Variants in ARK2C observed in about 807,000 individuals in gnomAD.
ARK2C encodes arkadia (RNF111) C-terminal like ring finger ubiquitin ligase 2C.
chr18:46,443,580 C>T, the ARK2C span, among the ~76,000 whole-genome samples: 1 of 152,194 alleles, frequency 6.6e-6, no homozygotes, highest in Non-Finnish European at 1.5e-5. Context: ...CTTGCCTGCT[C>T]TCTGTTCTTG....
At chr18:46,426,580 T>C in the ARK2C span, among the ~76,000 whole-genome samples, 22 of 152,232 alleles carry the variant, frequency 1.4e-4, no homozygotes, top group Admixed American at 5.2e-4. Context: ...CCCCACCCCC[T>C]GCTTTATGGT....
chr18:46,439,527 C>T, the ARK2C span, among the ~76,000 whole-genome samples: 1 of 152,174 alleles, frequency 6.6e-6, no homozygotes, highest in African/African-American at 2.4e-5. Flanking sequence ...TCCTAATTAC[C>T]AGGGACCACT....
At chr18:46,436,157 T>C in the ARK2C span, among the ~76,000 whole-genome samples, 1 of 152,162 alleles carries the variant, frequency 6.6e-6, no homozygotes, top group Admixed American at 6.5e-5. Context: ...TAAAAAGATG[T>C]GCAGTTCACT....
chr18:46,400,677 G>A, the ARK2C span, among the ~76,000 whole-genome samples: 10 of 152,146 alleles, frequency 6.6e-5, no homozygotes, highest in Admixed American at 1.3e-4. Context: ...GTGCCTCTCA[G>A]TGCAGTGGGC....
the ARK2C span, among the ~76,000 whole-genome samples, chr18:46,368,084 G>T: frequency 6.6e-6 from 1 of 152,208 alleles, no homozygotes; most frequent in African/African-American, 2.4e-5. Flanking sequence ...GAGACTCCAC[G>T]TGGGTAATTG....
At chr18:46,440,725 G>A in the ARK2C span, among the ~76,000 whole-genome samples, 4 of 146,780 alleles carry the variant, frequency 2.7e-5, no homozygotes, top group South Asian at 4.3e-4. Context: ...ATCAAGATCC[G>A]AATAAGTTTT....
the ARK2C span, among the ~76,000 whole-genome samples, chr18:46,361,044 C>G: frequency 6.6e-6 from 1 of 152,262 alleles, no homozygotes; most frequent in African/African-American, 2.4e-5. Flanking sequence ...CAGCTAACCT[C>G]TCAGTGAGCA....
At chr18:46,456,848 C>T in the ARK2C span, 1 of 539,006 alleles carries the variant, frequency 1.9e-6, no homozygotes. Context: ...TGTCCCCATC[C>T]GCCTGGCTGA....
chr18:46,417,005 G>A, the ARK2C span, among the ~76,000 whole-genome samples: 1 of 152,134 alleles, frequency 6.6e-6, no homozygotes, highest in Non-Finnish European at 1.5e-5. Context: ...AGAAATTGAG[G>A]CCATTTTTGC....
chr18:46,362,983 G>A, the ARK2C span, among the ~76,000 whole-genome samples: 12 of 152,138 alleles, frequency 7.9e-5, no homozygotes, highest in African/African-American at 2.7e-4. Context: ...ATCTTTCCAC[G>A]CCCACAGAAA....
chr18:46,447,755 G>A, the ARK2C span: 94 of 1,600,072 alleles, frequency 5.9e-5, no homozygotes, highest in Admixed American at 1.0e-3. Flanking sequence ...TGAGGCCTGC[G>A]GTCCCCTGTG....
the ARK2C span, among the ~76,000 whole-genome samples, chr18:46,381,566 C>T: frequency 1.3e-5 from 2 of 152,184 alleles, no homozygotes; most frequent in Non-Finnish European, 2.9e-5. Flanking sequence ...GGCAGTGGCT[C>T]ACACCTGTAG....
At chr18:46,399,476 C>A in the ARK2C span, among the ~76,000 whole-genome samples, 1 of 152,112 alleles carries the variant, frequency 6.6e-6, no homozygotes, top group Admixed American at 6.5e-5. Flanking sequence ...TGTGAGGAGC[C>A]GGTTTTATGG....
the ARK2C span, among the ~76,000 whole-genome samples, chr18:46,381,283 G>C: frequency 7.2e-5 from 11 of 152,228 alleles, no homozygotes; most frequent in Non-Finnish European, 1.3e-4. Flanking sequence ...TGAGGAGTCA[G>C]GTTCTGCCAT....
the ARK2C span, among the ~76,000 whole-genome samples, chr18:46,362,611 G>A: frequency 6.6e-6 from 1 of 152,244 alleles, no homozygotes; most frequent in South Asian, 2.1e-4. Flanking sequence ...ACTAATGAGA[G>A]CCTCAAAGCT....
chr18:46,361,521 C>T, the ARK2C span, among the ~76,000 whole-genome samples: 7 of 152,170 alleles, frequency 4.6e-5, no homozygotes, highest in East Asian at 1.9e-4. Flanking sequence ...CCCCTGTGCC[C>T]GGCCACACGG....
the ARK2C span, among the ~76,000 whole-genome samples, chr18:46,385,366 T>C: frequency 2.6e-5 from 4 of 152,146 alleles, no homozygotes; most frequent in Admixed American, 1.3e-4. Flanking sequence ...AAGGAAGGAC[T>C]TGCATGTGCC....
At chr18:46,456,139 A>C in the ARK2C span, 21 of 1,020,748 alleles carry the variant, frequency 2.1e-5, no homozygotes, top group Middle Eastern at 2.0e-4. Context: ...GTGACCAATC[A>C]CTGCACCGTG....
the ARK2C span, chr18:46,334,321 C>G: frequency 6.3e-7 from 1 of 1,585,792 alleles, no homozygotes; most frequent in Non-Finnish European, 8.5e-7. This position sits in a 1 kb window ranked among gnomAD's most constrained non-coding sequence, Gnocchi z 4.4. Context: ...GTGTTTGGCT[C>G]TGTGCGAAAC....
Sources: gnomAD v4.1 joint callset for allele counts (sites outside exome capture counted in the v4.1 genomes callset) on GRCh38, gnomAD v4.1.1 for gene constraint, Gnocchi (gnomAD v3.1) non-coding constraint, MANE v1.5 for transcripts, NCBI Gene and HGNC (gene_info 2026-07-23, HGNC 2026-07-21) for gene names.